The following EEIG2 variants were observed in gnomAD, a reference collection of about 807,000 sequenced individuals.
EEIG2 encodes EEIG family member 2.
At chr1:108,566,498 A>T in the EEIG2 span, among the ~76,000 whole-genome samples, 19 of 152,174 alleles carry the variant, frequency 1.2e-4, no homozygotes, top group African/African-American at 4.6e-4. Context: ...AGAATTATTT[A>T]TACACTAGAT....
chr1:108,631,025 A>C, the EEIG2 span: 22 of 211,090 alleles, frequency 1.0e-4, no homozygotes, highest in African/African-American at 5.1e-4. Context: ...AACTACAATC[A>C]GATATCATAA....
At chr1:108,582,139 A>G in the EEIG2 span, among the ~76,000 whole-genome samples, 1 of 152,194 alleles carries the variant, frequency 6.6e-6, no homozygotes, top group Non-Finnish European at 1.5e-5. Flanking sequence ...TTTTTAAATT[A>G]AGGTATATAC....
the EEIG2 span, among the ~76,000 whole-genome samples, chr1:108,619,055 A>C: frequency 3.3e-5 from 5 of 152,338 alleles, no homozygotes; most frequent in Admixed American, 2.6e-4. Flanking sequence ...AGCAAAACTT[A>C]GTAGAAGAAA....
chr1:108,573,727 G>C, the EEIG2 span, among the ~76,000 whole-genome samples: 3 of 152,102 alleles, frequency 2.0e-5, no homozygotes, highest in Non-Finnish European at 4.4e-5. Flanking sequence ...GACTTGAATA[G>C]ACATTTCTCC....
At chr1:108,634,597 G>A in the EEIG2 span, among the ~76,000 whole-genome samples, 1 of 152,212 alleles carries the variant, frequency 6.6e-6, no homozygotes, top group Non-Finnish European at 1.5e-5. Context: ...GGAAGGCTGA[G>A]TTAGGAGGAT....
the EEIG2 span, among the ~76,000 whole-genome samples, chr1:108,611,513 T>G: frequency 6.6e-6 from 1 of 151,698 alleles, no homozygotes; most frequent in Admixed American, 6.6e-5. Flanking sequence ...GCAGAGAGGG[T>G]TGATGTGGGG....
At chr1:108,608,370 C>T in the EEIG2 span, among the ~76,000 whole-genome samples, 2 of 152,200 alleles carry the variant, frequency 1.3e-5, no homozygotes, top group Non-Finnish European at 2.9e-5. Context: ...TTTCTATCCT[C>T]CCCTATTAAA....
At chr1:108,602,300 T>A in the EEIG2 span, among the ~76,000 whole-genome samples, 28 of 152,276 alleles carry the variant, frequency 1.8e-4, no homozygotes, top group East Asian at 2.9e-3. Flanking sequence ...ACTTACTGTC[T>A]GAGTTATGGA....
At chr1:108,561,517 C>A in the EEIG2 span, among the ~76,000 whole-genome samples, 1 of 152,052 alleles carries the variant, frequency 6.6e-6, no homozygotes, top group African/African-American at 2.4e-5. Flanking sequence ...AAAAAAAATT[C>A]CGTCATCCCA....
chr1:108,581,418 T>G, the EEIG2 span, among the ~76,000 whole-genome samples: 1 of 152,190 alleles, frequency 6.6e-6, no homozygotes, highest in Non-Finnish European at 1.5e-5. Flanking sequence ...TGTTGCTGCC[T>G]TAGATAGTGA....
the EEIG2 span, chr1:108,627,883 T>G: frequency 5.6e-6 from 2 of 354,368 alleles, no homozygotes; most frequent in South Asian, 1.0e-4. Flanking sequence ...TTAAATGTTT[T>G]GAACAACAGG....
the EEIG2 span, among the ~76,000 whole-genome samples, chr1:108,601,826 A>G: frequency 2.0e-5 from 3 of 152,306 alleles, no homozygotes; most frequent in Admixed American, 6.5e-5. Context: ...CAAAAATGAA[A>G]AAGTTTGATA....
chr1:108,592,681 A>T, the EEIG2 span, among the ~76,000 whole-genome samples: 1 of 152,188 alleles, frequency 6.6e-6, no homozygotes, highest in Non-Finnish European at 1.5e-5. Flanking sequence ...TTTCGTCTGT[A>T]TACTTAAATG....
the EEIG2 span, among the ~76,000 whole-genome samples, chr1:108,576,821 A>T: frequency 1.3e-5 from 2 of 151,982 alleles, no homozygotes; most frequent in African/African-American, 4.8e-5. Flanking sequence ...CAGTAATGGG[A>T]TGGCTGGGTC....
At chr1:108,607,451 C>T in the EEIG2 span, among the ~76,000 whole-genome samples, 8 of 152,180 alleles carry the variant, frequency 5.3e-5, no homozygotes, top group Non-Finnish European at 1.2e-4. Context: ...TTAAACTAAT[C>T]ACAATCTAAC....
At chr1:108,575,823 G>A in the EEIG2 span, among the ~76,000 whole-genome samples, 1 of 152,152 alleles carries the variant, frequency 6.6e-6, no homozygotes, top group Non-Finnish European at 1.5e-5. Context: ...GAGAGAAATG[G>A]GCAGTGACTG....
At chr1:108,623,692 G>C in the EEIG2 span, among the ~76,000 whole-genome samples, 1 of 151,098 alleles carries the variant, frequency 6.6e-6, no homozygotes, top group Admixed American at 6.6e-5. Context: ...TTTTTTTTGA[G>C]ACGGAGTCTC....
the EEIG2 span, among the ~76,000 whole-genome samples, chr1:108,595,910 C>T: frequency 6.6e-6 from 1 of 151,986 alleles, no homozygotes; most frequent in Admixed American, 6.6e-5. Context: ...AAGAAACAAA[C>T]CAGACAAGCA....
chr1:108,562,664 G>A, the EEIG2 span, among the ~76,000 whole-genome samples: 1 of 152,164 alleles, frequency 6.6e-6, no homozygotes, highest in African/African-American at 2.4e-5. Flanking sequence ...ACATGTGGTG[G>A]TGTGAGGATT....
Sources: allele counts gnomAD v4.1 joint callset (sites outside exome capture counted in the v4.1 genomes callset), GRCh38; gene constraint gnomAD v4.1.1; transcripts MANE v1.5; gene names NCBI Gene and HGNC (gene_info 2026-07-23, HGNC 2026-07-21).